The following TRRAP variants were observed in gnomAD, a reference collection of about 807,000 sequenced individuals.
The protein encoded by TRRAP is transformation/transcription domain-associated protein.
In TRRAP, 41 loss-of-function variants were observed where a neutral mutation model predicts 438.8. The ratio of observed to expected loss-of-function variants is 0.09; its 90% CI spans 0.07 to 0.12. The LOEUF (loss-of-function observed/expected upper bound fraction) is 0.12, where lower values mean the gene tolerates loss of function less well. Ranked by LOEUF, TRRAP falls within the 10% of genes least tolerant of loss-of-function variation. TRRAP has a pLI of 1.00. For missense variants in TRRAP, 3,122 were observed against 5,055.1 expected (o/e 0.62, Z 11.60); for synonymous variants, 1,994 against 1,962.9 (o/e 1.02, Z -0.42).
intron 31 of TRRAP, among the ~76,000 whole-genome samples, chr7:98,943,611 C>T (rs1256580266): frequency 2.6e-5 from 4 of 152,222 alleles, no homozygotes; most frequent in African/African-American, 7.2e-5. Context: ...AGGAAAACCG[C>T]TTCAGCTAAA....
intron 47 of TRRAP, among the ~76,000 whole-genome samples, chr7:98,963,409 C>T (rs1168431402): frequency 6.6e-6 from 1 of 152,274 alleles, no homozygotes; most frequent in Non-Finnish European, 1.5e-5. Context: ...TATCTCCTCC[C>T]GCTGCTCATT....
intron 59 of TRRAP, 70 bp from the exon 60 acceptor site, chr7:98,983,194 C>T (rs1562970830): frequency 2.1e-6 from 3 of 1,400,504 alleles, no homozygotes; most frequent in Admixed American, 4.7e-5. Flanking sequence ...CCCCAATGGA[C>T]TCTGGTGTGT....
intron 19 of TRRAP, 141 bp from the exon 20 acceptor site, chr7:98,917,282 G>A: frequency 8.9e-7 from 1 of 1,128,158 alleles, no homozygotes; most frequent in Non-Finnish European, 1.3e-6. Flanking sequence ...ATGTAACAGG[G>A]TGGAGTCTAA....
rs1476538000 is a variant in TRRAP at position 98,976,248 on chromosome 7, C to A, written c.7939C>A (p.Leu2647Ile). 7 of 1,614,224 alleles carry A rather than the reference C, an allele frequency of 4.3e-6. No homozygotes were observed. Among genetic ancestry groups the A allele is most frequent in the Non-Finnish European group, 5.9e-6 (7 of 1,180,040 alleles). Residue 2647 changes from leucine to isoleucine, a missense_variant, in exon 54 of 73, where the codon CTC becomes ATC. Transcript: ENST00000456197. The surrounding 1 kb of genome is among the most constrained non-coding windows in gnomAD (Gnocchi z 4.6). ...VQLFPRLWKI[L>I]SDRQQHALAG... is the part of the protein sequence containing the mutation. ...GCTTTTCCCCAGATTGTGGAAGATC[C>A]TCTCTGACAGACAGCAGCATGTGAG...
rs782665209 is a variant in TRRAP, at chr7:98,949,761, G to C, written c.5055G>C (p.Glu1685Asp). The C allele has an allele frequency of 1.2e-6, 2 of 1,613,906 alleles. No individual in the cohort carries two copies. Among genetic ancestry groups the C allele is most frequent in the Non-Finnish European group, 1.7e-6 (2 of 1,180,040 alleles). The change falls in exon 37 of 73, where the codon GAG becomes GAC. Residue 1685 changes from glutamate to aspartate, a missense_variant. Physicochemically the swap from Glu to Asp is conservative, Grantham distance 45. This residue lies in a region of TRRAP where 272 missense variants were observed against 348.5 expected (regional missense o/e 0.78). Coordinates refer to ENST00000456197, the MANE Select transcript of TRRAP (RefSeq NM_001375524.1). Reference protein sequence around the residue: ...RRVWVSENFQERHRKENMAAT... With the variant: ...RRVWVSENFQDRHRKENMAAT... ...TGTGGGTGAGTGAGAACTTCCAAGAGAGGCACCGCAAGGAGAACATGGCAG... is the reference window on the plus strand; with the variant it reads ...TGTGGGTGAGTGAGAACTTCCAAGACAGGCACCGCAAGGAGAACATGGCAG...
At chr7:98,940,650 A>G (rs1348041588) in intron 30 of TRRAP, among the ~76,000 whole-genome samples, 1 of 152,014 alleles carries the variant, frequency 6.6e-6, no homozygotes, top group Non-Finnish European at 1.5e-5. Flanking sequence ...ATTTAGGTGA[A>G]TTTTTTCCTC....
At chr7:98,937,396 A>G in intron 29 of TRRAP, 119 bp downstream of exon 29, 28 of 1,404,560 alleles carry the variant, frequency 2.0e-5, no homozygotes, top group Non-Finnish European at 2.6e-5. Flanking sequence ...AAAAGGCTTT[A>G]TGCATGTGGT....
At position 98,915,759 on chromosome 7, in the gene TRRAP, C is replaced by A; in HGVS notation, c.2236C>A (p.Leu746Ile). 1 of 1,614,128 alleles carries A rather than the reference C, an allele frequency of 6.2e-7. No homozygotes were observed. Reference sequence around the variant, plus strand: ...CAAGATTGTGAACAGCTCTATGGAGCTCGCGCAGACTGCCAAGGAACCCTA... The same window carrying A: ...CAAGATTGTGAACAGCTCTATGGAGATCGCGCAGACTGCCAAGGAACCCTA... ...LHKIVNSSMELAQTAKEPYNY... is the reference protein window; with the variant it reads ...LHKIVNSSMEIAQTAKEPYNY... The change falls in exon 19 of 73, where the codon CTC (leucine) becomes ATC (isoleucine). Residue 746 changes from leucine (L) to isoleucine (I), a missense_variant. Leu to Ile is a conservative substitution (Grantham distance 5). This residue lies in a region of TRRAP where 149 missense variants were observed against 302.8 expected (regional missense o/e 0.49). Transcript: ENST00000456197.
rs535838324 is a variant in TRRAP, at chr7:98,897,878, G to T, written c.633+12G>T. 1.2e-6 allele frequency: 2 copies of T among 1,613,614 alleles called. No individual in the cohort carries two copies. The highest frequency in any genetic ancestry group is 1.7e-5 in the Admixed American group (1 of 59,906). ...GTGAGACTCGAACAGTAAGTGTTTC[G>T]CTGAGTTATTTCTACCCGTGGCTCC... On this transcript the variant is annotated intron_variant, in intron 8 of 72. Coordinates refer to ENST00000456197, the MANE Select transcript of TRRAP (RefSeq NM_001375524.1).
At chr7:98,982,766 G>T (rs1792990010) in intron 59 of TRRAP, among the ~76,000 whole-genome samples, 1 of 151,712 alleles carries the variant, frequency 6.6e-6, no homozygotes, top group African/African-American at 2.4e-5. Flanking sequence ...ACTCAAAAAT[G>T]TGTTTACATT....
intron 67 of TRRAP, chr7:98,999,790 T>G (rs1240435419): frequency 3.6e-6 from 2 of 548,984 alleles, no homozygotes; most frequent in African/African-American, 3.9e-5. Context: ...CACAAATAAC[T>G]TGAAGTTCTG....
intron 53 of TRRAP, among the ~76,000 whole-genome samples, chr7:98,974,319 C>T (rs890175623): frequency 6.6e-6 from 1 of 152,172 alleles, no homozygotes; most frequent in African/African-American, 2.4e-5. Context: ...CTCCTCTACC[C>T]TGTGAAGTGG....
chr7:98,966,917 C>A, intron 49 of TRRAP, 124 bp from the exon 50 acceptor site: 1 of 991,996 alleles, frequency 1.0e-6, no homozygotes, highest in Non-Finnish European at 1.4e-6. Flanking sequence ...ATAAAGCCAT[C>A]TTTGCCTTAC....
intron 11 of TRRAP, among the ~76,000 whole-genome samples, chr7:98,901,391 A>T (rs1357689505): frequency 6.6e-6 from 1 of 152,222 alleles, no homozygotes; most frequent in African/African-American, 2.4e-5. Context: ...ATACAGTCAC[A>T]TATGGAGTTA....
chr7:98,951,822 A>G (rs1791349505), intron 39 of TRRAP, among the ~76,000 whole-genome samples: 3 of 152,306 alleles, frequency 2.0e-5, no homozygotes, highest in East Asian at 1.9e-4. Flanking sequence ...AGTGAGCCCA[A>G]GGGTTTATTC....
chr7:99,012,516 A>T lies in TRRAP; in HGVS notation c.*161A>T, dbSNP rs1794474895. ...GTAGTTTGCGTGTAAGAAAGGGAGA[A>T]TATAGTTTTAGAGGAAGCTGAACTA... On this transcript the variant is annotated 3_prime_UTR_variant, in exon 73 of 73. Coordinates refer to ENST00000456197, the MANE Select transcript of TRRAP (RefSeq NM_001375524.1). The surrounding 1 kb of genome is among the most constrained non-coding windows in gnomAD (Gnocchi z 5.9). The T allele has an allele frequency of 1.1e-6, 1 of 903,154 alleles. No individual in the cohort carries two copies. The highest frequency in any genetic ancestry group is 1.7e-5 in the African/African-American group (1 of 59,698). The allele number at this position is 903,154 out of a possible 1,614,324, so 55.9% of individuals were successfully genotyped here.
At chr7:98,905,360 G>A (rs782206448) in intron 12 of TRRAP, among the ~76,000 whole-genome samples, 2 of 152,146 alleles carry the variant, frequency 1.3e-5, no homozygotes, top group Non-Finnish European at 2.9e-5. Flanking sequence ...CAATAGCTAC[G>A]AGCTGGTGGG....
chr7:98,932,056 A>T (rs1191428928), intron 26 of TRRAP, among the ~76,000 whole-genome samples: 1 of 151,930 alleles, frequency 6.6e-6, no homozygotes, highest in African/African-American at 2.4e-5. Flanking sequence ...CTGGGACTAC[A>T]GACACACACC....
intron 45 of TRRAP, 109 bp from the exon 46 acceptor site, chr7:98,961,152 G>T: frequency 7.2e-6 from 7 of 974,650 alleles, no homozygotes; most frequent in Admixed American, 6.0e-5. Context: ...TTTTTACTTA[G>T]TCTCCAAATA....
Sources: allele counts gnomAD v4.1 joint callset (sites outside exome capture counted in the v4.1 genomes callset), GRCh38; gene constraint gnomAD v4.1.1; regional missense constraint gnomAD v4.1.1; non-coding constraint Gnocchi (gnomAD v3.1); transcripts MANE v1.5; gene names NCBI Gene and HGNC (gene_info 2026-07-23, HGNC 2026-07-21).